Variants in KIAA1549L observed in about 807,000 individuals in gnomAD.
KIAA1549L encodes the protein KIAA1549 like, also known as UPF0606 protein KIAA1549L.
Under a neutral mutation model 160.7 loss-of-function variants are expected in KIAA1549L, and 88 were observed. The observed-to-expected ratio is 0.55, with a 90% CI of 0.46 to 0.65. The LOEUF (loss-of-function observed/expected upper bound fraction) is 0.65, where lower values mean the gene tolerates loss of function less well. Among genes scored for constraint, KIAA1549L ranks in the 30% least tolerant of loss-of-function variants. The pLI is 0.00. For synonymous variants in KIAA1549L, 950 were observed against 976.7 expected, an observed-to-expected ratio of 0.97 and a Z score of 0.51; for missense variants, 2,258 against 2,437.5, an observed-to-expected ratio of 0.93 and a Z score of 1.55.
At chr11:33,665,065 T>C (rs562769782) in intron 20 of KIAA1549L, among the ~76,000 whole-genome samples, 1 of 152,202 alleles carries the variant, frequency 6.6e-6, no homozygotes, top group African/African-American at 2.4e-5. Context: ...CTGAGGTCAC[T>C]GATGCTTCCT....
intron 1 of KIAA1549L, among the ~76,000 whole-genome samples, chr11:33,445,208 T>C (rs924455005): frequency 4.6e-5 from 7 of 152,250 alleles, no homozygotes; most frequent in African/African-American, 1.7e-4. Context: ...TTCTTTGATA[T>C]CCCTAATTTA....
intron 1 of KIAA1549L, among the ~76,000 whole-genome samples, chr11:33,421,563 T>G (rs549902425): frequency 4.6e-5 from 7 of 152,264 alleles, no homozygotes; most frequent in Admixed American, 2.6e-4. Context: ...AAGTACTGAC[T>G]TAACACTTTC....
intron 16 of KIAA1549L, among the ~76,000 whole-genome samples, chr11:33,623,262 G>A (rs1851008892): frequency 6.6e-6 from 1 of 152,216 alleles, no homozygotes; most frequent in African/African-American, 2.4e-5. Context: ...CCATTGGGAA[G>A]CAATTGGTTG....
At chr11:33,516,596 G>T (rs1853348679) in intron 1 of KIAA1549L, among the ~76,000 whole-genome samples, 3 of 152,234 alleles carry the variant, frequency 2.0e-5, no homozygotes, top group Non-Finnish European at 4.4e-5. Flanking sequence ...GGATGGATAT[G>T]TGAAGCCATT....
At chr11:33,456,220 A>T (rs778483153) in intron 1 of KIAA1549L, among the ~76,000 whole-genome samples, 1 of 152,206 alleles carries the variant, frequency 6.6e-6, no homozygotes, top group South Asian at 2.1e-4. Context: ...CAGAACTCCA[A>T]TCGATGACCT....
intron 1 of KIAA1549L, among the ~76,000 whole-genome samples, chr11:33,462,459 T>C (rs979412687): frequency 1.3e-5 from 2 of 152,214 alleles, no homozygotes; most frequent in Non-Finnish European, 2.9e-5. Flanking sequence ...CAGATAAAAG[T>C]TTAGGTTCCT....
At chr11:33,465,500 C>G (rs1351226351) in intron 1 of KIAA1549L, among the ~76,000 whole-genome samples, 1 of 152,168 alleles carries the variant, frequency 6.6e-6, no homozygotes, top group Admixed American at 6.5e-5. Flanking sequence ...TTACAGCCTC[C>G]TGTAGATCTG....
At chr11:33,383,022 T>C (rs896996183) in intron 1 of KIAA1549L, among the ~76,000 whole-genome samples, 1 of 152,194 alleles carries the variant, frequency 6.6e-6, no homozygotes, top group Non-Finnish European at 1.5e-5. Flanking sequence ...ACAGTGTTAC[T>C]GTACTTTTAA....
chr11:33,644,416 C>A (rs1851663597), intron 16 of KIAA1549L, among the ~76,000 whole-genome samples: 1 of 152,190 alleles, frequency 6.6e-6, no homozygotes, highest in Non-Finnish European at 1.5e-5. Context: ...TGAATTCCCT[C>A]ATTTACTTGC....
intron 1 of KIAA1549L, among the ~76,000 whole-genome samples, chr11:33,466,964 T>G: frequency 1.1e-5 from 1 of 88,906 alleles, no homozygotes. Context: ...CACTGGGGCC[T>G]GTTGGGGGGT....
At chr11:33,456,787 C>G (rs1473280954) in intron 1 of KIAA1549L, among the ~76,000 whole-genome samples, 2 of 152,208 alleles carry the variant, frequency 1.3e-5, no homozygotes, top group African/African-American at 2.4e-5. Context: ...CAATAAGTCT[C>G]TTTCCCCATG....
chr11:33,459,358 C>T (rs1489691084), intron 1 of KIAA1549L, among the ~76,000 whole-genome samples: 4 of 152,056 alleles, frequency 2.6e-5, no homozygotes, highest in South Asian at 2.1e-4. Flanking sequence ...AAGGGCAGTT[C>T]GTGTCGCTAC....
intron 16 of KIAA1549L, among the ~76,000 whole-genome samples, chr11:33,634,020 A>C (rs12574877): frequency 0.043 from 6,581 of 152,218 alleles, 248 homozygotes; most frequent in East Asian, 0.19. Flanking sequence ...TTTCTTTTCT[A>C]GCAGTTACTA....
At chr11:33,477,656 A>G (rs1852319337) in intron 1 of KIAA1549L, among the ~76,000 whole-genome samples, 2 of 152,070 alleles carry the variant, frequency 1.3e-5, no homozygotes, top group African/African-American at 4.8e-5. Flanking sequence ...AAGTGCTCAT[A>G]TTGGGTGATC....
Position 33,542,622 on chromosome 11 carries a change from T to C in KIAA1549L, c.1059T>C (p.His353=), listed in dbSNP as rs1476843314. 1.2e-6 allele frequency: 2 copies of C among 1,613,932 alleles called. No homozygotes were observed. Among genetic ancestry groups the C allele is most frequent in the Non-Finnish European group, 1.7e-6 (2 of 1,179,860 alleles). ...TGAGCCCCATGGCAGAACTGTCCCA[T>C]CCGTCTCCCCCTCCCCCAGCACTTG... The part of the protein sequence containing the change: ...GFLSPMAELS[H]PSPPPPALGS... Residue 353 remains histidine, a synonymous_variant, in exon 2 of 21, where the codon CAT becomes CAC. Coordinates refer to ENST00000658780, the MANE Select transcript of KIAA1549L (RefSeq NM_012194.3).
chr11:33,630,654 G>T (rs893763496), intron 16 of KIAA1549L, among the ~76,000 whole-genome samples: 3 of 152,248 alleles, frequency 2.0e-5, no homozygotes, highest in Non-Finnish European at 4.4e-5. Flanking sequence ...CATGGTGCGT[G>T]CACCCAGTGA....
chr11:33,446,507 T>A (rs1398976474), intron 1 of KIAA1549L, among the ~76,000 whole-genome samples: 1 of 152,186 alleles, frequency 6.6e-6, no homozygotes, highest in Non-Finnish European at 1.5e-5. Context: ...GGCTTGAAAT[T>A]GAAATTACGA....
At chr11:33,471,521 T>G (rs1185646419) in intron 1 of KIAA1549L, among the ~76,000 whole-genome samples, 1 of 152,198 alleles carries the variant, frequency 6.6e-6, no homozygotes, top group South Asian at 2.1e-4. Flanking sequence ...TCCCTATTCC[T>G]ATCTCCAATT....
intron 12 of KIAA1549L, among the ~76,000 whole-genome samples, chr11:33,597,586 C>T (rs1255770912): frequency 1.3e-5 from 2 of 152,218 alleles, no homozygotes; most frequent in African/African-American, 4.8e-5. Context: ...CCGCTTGTCT[C>T]CCACAGTGGG....
Sources: gnomAD v4.1 joint callset for allele counts (sites outside exome capture counted in the v4.1 genomes callset) on GRCh38, gnomAD v4.1.1 for gene constraint, MANE v1.5 for transcripts, NCBI Gene and HGNC (gene_info 2026-07-23, HGNC 2026-07-21) for gene names.